The following AP3B1 variants were observed in gnomAD, a reference collection of about 807,000 sequenced individuals.
AP3B1 encodes adaptor related protein complex 3 subunit beta 1.
Under a neutral mutation model 132.5 loss-of-function variants are expected in AP3B1, and 61 were observed. That is an observed-to-expected ratio of 0.46 (90% CI 0.37 to 0.57). AP3B1 has a LOEUF of 0.57. AP3B1 is among the 20% of genes least tolerant of loss of function. The pLI, the probability that AP3B1 is intolerant of heterozygous loss-of-function variation, is 0.00. For synonymous variants in AP3B1, 388 were observed against 438.3 expected (o/e 0.89, Z 1.43); for missense variants, 1,120 against 1,289.4 (o/e 0.87, Z 2.01).
intron 7 of AP3B1, among the ~76,000 whole-genome samples, chr5:78,192,062 G>C (rs544099126): frequency 1.8e-4 from 28 of 151,788 alleles, no homozygotes; most frequent in Admixed American, 3.3e-4. Flanking sequence ...GTTTCTCCAC[G>C]TTGGTCAGGC....
At position 78,228,315 on chromosome 5, in the gene AP3B1, C is replaced by A. The variant is rs541199097; in HGVS notation, c.280-76G>T. 1.1e-5 allele frequency: 10 copies of A among 873,932 alleles called. No individual in the cohort carries two copies. In the South Asian group the frequency reaches 1.3e-4, roughly 12 times the overall value. The allele number at this position is 873,932 out of a possible 1,614,324, so 54.1% of individuals were successfully genotyped here. ...AGTATTTGCTATACCAAAATCCATG[C>A]TCAATTCTTCTCAAGTAAATAACTG... On this transcript the variant is annotated intron_variant, in intron 3 of 26. Coordinates refer to ENST00000255194, the MANE Select transcript of AP3B1 (RefSeq NM_003664.5).
chr5:78,143,683 T>C (rs1753252874), intron 14 of AP3B1, among the ~76,000 whole-genome samples: 1 of 152,104 alleles, frequency 6.6e-6, no homozygotes, highest in Admixed American at 6.6e-5. Context: ...TTTCAAAGAT[T>C]TGAAGCACCT....
chr5:78,213,159 G>A (rs112684306), intron 7 of AP3B1, among the ~76,000 whole-genome samples: 24 of 152,224 alleles, frequency 1.6e-4, no homozygotes, highest in African/African-American at 4.8e-4. Flanking sequence ...GATTACAGGC[G>A]TGAGCCACCG....
At chr5:78,034,169 A>C (rs894901081) in intron 24 of AP3B1, among the ~76,000 whole-genome samples, 192 bp downstream of exon 24, 1 of 151,990 alleles carries the variant, frequency 6.6e-6, no homozygotes, top group Admixed American at 6.6e-5. Flanking sequence ...TAGGTGTGTA[A>C]CGAATGCTAA....
At chr5:78,018,268 G>A (rs1230776218) in intron 25 of AP3B1, among the ~76,000 whole-genome samples, 1 of 151,786 alleles carries the variant, frequency 6.6e-6, no homozygotes, top group Non-Finnish European at 1.5e-5. Flanking sequence ...ATACATAACC[G>A]TCAATACGTA....
chr5:78,077,110 A>T (rs1749799476), intron 22 of AP3B1, among the ~76,000 whole-genome samples: 1 of 152,198 alleles, frequency 6.6e-6, no homozygotes, highest in South Asian at 2.1e-4. Context: ...GAGGCATACA[A>T]CAACAAATTA....
chr5:78,219,015 G>T (rs920256278), intron 6 of AP3B1, among the ~76,000 whole-genome samples: 3 of 152,064 alleles, frequency 2.0e-5, no homozygotes, highest in Non-Finnish European at 4.4e-5. Context: ...GCACATAACG[G>T]TGGGGCTTTT....
chr5:78,111,742 T>C (rs1310055090), intron 19 of AP3B1, among the ~76,000 whole-genome samples: 1 of 152,168 alleles, frequency 6.6e-6, no homozygotes, highest in East Asian at 1.9e-4. Flanking sequence ...CTCTACCACA[T>C]GTGTGTGTAT....
Position 78,072,504 on chromosome 5 carries a change from A to C in AP3B1, c.2577+16889T>G, listed in dbSNP as rs115970513. On this transcript the variant is annotated intron_variant, in intron 22 of 26. Transcript: ENST00000255194. ...TGCCTTCTGAATTGGAATTTGCTGA[A>C]ATTTTCTGTTTTGTTTTTTGGGGGG... is the stretch of plus-strand genomic sequence containing the variant. 1.5e-3 allele frequency among the ~76,000 whole-genome samples: 234 copies of C among 152,154 alleles called. 1 individual carries two copies. The highest frequency in any genetic ancestry group is 5.4e-3 in the African/African-American group (226 of 41,524).
At chr5:78,049,499 A>C (rs1748489248) in intron 22 of AP3B1, among the ~76,000 whole-genome samples, 1 of 152,232 alleles carries the variant, frequency 6.6e-6, no homozygotes, top group African/African-American at 2.4e-5. Flanking sequence ...AGCCTGGGAA[A>C]ACAGAGTAAA....
chr5:78,117,662 T>A (rs1281150118), intron 17 of AP3B1, among the ~76,000 whole-genome samples: 1 of 152,230 alleles, frequency 6.6e-6, no homozygotes, highest in East Asian at 1.9e-4. Context: ...ATTATATTTA[T>A]TAGCCTCTTA....
chr5:78,287,750 TAAAAAA>T (rs58180674), intron 1 of AP3B1, among the ~76,000 whole-genome samples: 1 of 131,752 alleles, frequency 7.6e-6, no homozygotes, highest in Non-Finnish European at 1.6e-5. Flanking sequence ...GTACCCCTTG[TAAAAAA>T]AAAAAAAAAA....
intron 15 of AP3B1, among the ~76,000 whole-genome samples, chr5:78,134,130 G>A (rs536009729): frequency 1.0e-4 from 12 of 120,006 alleles, no homozygotes; most frequent in South Asian, 4.9e-4. Context: ...CAGCCCGGGC[G>A]ACACAGCAAG....
At chr5:78,081,432 C>T (rs1158298450) in intron 22 of AP3B1, among the ~76,000 whole-genome samples, 1 of 151,502 alleles carries the variant, frequency 6.6e-6, no homozygotes, top group Non-Finnish European at 1.5e-5. Flanking sequence ...CTCAGCCTCC[C>T]GAGTAGCTGG....
At chr5:78,167,726 T>C (rs936155937) in intron 11 of AP3B1, among the ~76,000 whole-genome samples, 3 of 151,452 alleles carry the variant, frequency 2.0e-5, no homozygotes, top group African/African-American at 7.3e-5. Context: ...AGAAACTAGA[T>C]AGAATTGGAG....
At chr5:78,165,836 AGGCG>A (rs1329277170) in intron 11 of AP3B1, among the ~76,000 whole-genome samples, 164 bp from the exon 12 acceptor site, 1 of 152,224 alleles carries the variant, frequency 6.6e-6, no homozygotes, top group Non-Finnish European at 1.5e-5. Context: ...TGGGAAGCCG[AGGCG>A]GGCGGATCAC....
intron 2 of AP3B1, among the ~76,000 whole-genome samples, chr5:78,245,655 T>C (rs1324175477): frequency 6.6e-6 from 1 of 152,124 alleles, no homozygotes; most frequent in Non-Finnish European, 1.5e-5. Flanking sequence ...TTCTCAGTAT[T>C]CCTCCTTATC....
At chr5:78,122,413 G>C (rs146995319) in intron 17 of AP3B1, among the ~76,000 whole-genome samples, 5,334 of 152,252 alleles carry the variant, frequency 0.035, 310 homozygotes, top group African/African-American at 0.12. Flanking sequence ...AATTGTCCCT[G>C]TTTGCACATG....
intron 23 of AP3B1, among the ~76,000 whole-genome samples, chr5:78,036,359 T>C (rs965798917): frequency 1.1e-4 from 17 of 152,164 alleles, no homozygotes; most frequent in African/African-American, 3.6e-4. Context: ...ACACCATTTC[T>C]AGATTTGCTC....
Sources: allele counts gnomAD v4.1 joint callset (sites outside exome capture counted in the v4.1 genomes callset), GRCh38; gene constraint gnomAD v4.1.1; transcripts MANE v1.5; gene names NCBI Gene and HGNC (gene_info 2026-07-23, HGNC 2026-07-21).